The following PTPRG variants were observed in gnomAD, a reference collection of about 807,000 sequenced individuals.
PTPRG encodes protein tyrosine phosphatase receptor type G.
Under a neutral mutation model 165.3 loss-of-function variants are expected in PTPRG, and 102 were observed. That is an observed-to-expected ratio of 0.62 (90% CI 0.53 to 0.73). The LOEUF (loss-of-function observed/expected upper bound fraction) is 0.73, where lower values mean the gene tolerates loss of function less well. Among genes scored for constraint, PTPRG ranks in the 30% least tolerant of loss-of-function variants. The probability of loss-of-function intolerance (pLI) is 0.00; values close to 1 mark genes in which losing one functional copy is unlikely to be tolerated. For missense variants in PTPRG, 1,866 were observed against 1,861.4 expected (o/e 1.00, Z -0.05); for synonymous variants, 675 against 669.5 (o/e 1.01, Z -0.13).
intron 1 of PTPRG, among the ~76,000 whole-genome samples, chr3:61,725,005 T>C (rs2032198031): frequency 6.6e-6 from 1 of 152,188 alleles, no homozygotes; most frequent in African/African-American, 2.4e-5. Flanking sequence ...TGATTTCTTC[T>C]CTCTGGCCGA....
chr3:62,085,600 G>GTA (rs1314677385), intron 5 of PTPRG, among the ~76,000 whole-genome samples: 1 of 151,970 alleles, frequency 6.6e-6, no homozygotes, highest in Non-Finnish European at 1.5e-5. Flanking sequence ...TCTTTACTAG[G>GTA]GTTCCTCTAT....
intron 2 of PTPRG, chr3:61,925,779 G>T (rs1171267167): frequency 2.5e-6 from 1 of 400,424 alleles, no homozygotes; most frequent in Non-Finnish European, 5.0e-6. Flanking sequence ...CAAAGTTGCA[G>T]CACCTGCCAA....
chr3:61,820,908 G>GT (rs1559630726), intron 2 of PTPRG, among the ~76,000 whole-genome samples: 1 of 151,820 alleles, frequency 6.6e-6, no homozygotes, highest in Non-Finnish European at 1.5e-5. Flanking sequence ...TGGACATGGT[G>GT]TTTTTTTGAT....
chr3:61,731,922 C>T (rs1331547448), intron 1 of PTPRG, among the ~76,000 whole-genome samples: 1 of 151,938 alleles, frequency 6.6e-6, no homozygotes, highest in Non-Finnish European at 1.5e-5. Context: ...CTGCTTTAGC[C>T]ACCTGAATAA....
At chr3:61,641,129 T>A (rs919712608) in intron 1 of PTPRG, among the ~76,000 whole-genome samples, 3 of 152,230 alleles carry the variant, frequency 2.0e-5, no homozygotes, top group African/African-American at 7.2e-5. Flanking sequence ...TGGAGTAGCC[T>A]GTTAGCTCTT....
intron 1 of PTPRG, among the ~76,000 whole-genome samples, chr3:61,723,805 A>G: frequency 6.6e-6 from 1 of 152,188 alleles, no homozygotes. Context: ...GCTGAAGTCC[A>G]GATACTGGAT....
chr3:61,654,347 G>T (rs1439230329), intron 1 of PTPRG, among the ~76,000 whole-genome samples: 3 of 152,082 alleles, frequency 2.0e-5, no homozygotes, highest in African/African-American at 7.2e-5. Context: ...TTGAGGCTCT[G>T]TTGTTAGGTG....
chr3:61,786,553 A>G (rs550173402), intron 2 of PTPRG, among the ~76,000 whole-genome samples: 29 of 152,318 alleles, frequency 1.9e-4, no homozygotes, highest in African/African-American at 6.7e-4. Context: ...TGGAGAGTCA[A>G]CGTAGCGAAG....
At chr3:61,600,190 A>ATGTG (rs1293051250) in intron 1 of PTPRG, among the ~76,000 whole-genome samples, 76 of 118,612 alleles carry the variant, frequency 6.4e-4, no homozygotes, top group African/African-American at 1.6e-3. Flanking sequence ...ATATATATAT[A>ATGTG]TATGTGTGTG....
chr3:62,174,351 A>G (rs1024566717), intron 8 of PTPRG, among the ~76,000 whole-genome samples: 2 of 152,272 alleles, frequency 1.3e-5, no homozygotes, highest in Admixed American at 6.5e-5. Context: ...GTATAATGTA[A>G]TAAAAGCAAA....
chr3:61,989,178 A>AT (rs1703947343), intron 2 of PTPRG, among the ~76,000 whole-genome samples: 1 of 151,834 alleles, frequency 6.6e-6, no homozygotes, highest in Non-Finnish European at 1.5e-5. Flanking sequence ...GTTGCCTTTA[A>AT]TTTTTTTTCC....
chr3:62,169,836 C>T (rs796394080), intron 8 of PTPRG, among the ~76,000 whole-genome samples: 15 of 152,182 alleles, frequency 9.9e-5, no homozygotes, highest in African/African-American at 3.4e-4. Context: ...AGAGTGCCCC[C>T]ACCCCCAACA....
At chr3:61,742,456 T>G (rs548427753) in intron 1 of PTPRG, 1 of 1,502,878 alleles carries the variant, frequency 6.7e-7, no homozygotes, top group African/African-American at 1.4e-5. Flanking sequence ...AAATGTGCCT[T>G]AATATAGGCG....
intron 7 of PTPRG, among the ~76,000 whole-genome samples, chr3:62,161,121 G>A (rs1370893368): frequency 6.6e-6 from 1 of 151,946 alleles, no homozygotes; most frequent in Non-Finnish European, 1.5e-5. Context: ...CTCCCCTCAT[G>A]GAGTCACAAT....
chr3:61,847,467 G>GTT (rs1469222394), intron 2 of PTPRG, among the ~76,000 whole-genome samples: 1 of 152,140 alleles, frequency 6.6e-6, no homozygotes, highest in Non-Finnish European at 1.5e-5. Context: ...TAGGCACCCA[G>GTT]TTTGTGGTGT....
At chr3:62,091,992 G>A (rs961908557) in intron 5 of PTPRG, among the ~76,000 whole-genome samples, 3 of 151,456 alleles carry the variant, frequency 2.0e-5, no homozygotes, top group African/African-American at 7.3e-5. Context: ...CATATATGGT[G>A]GTTCAGCTGC....
intron 4 of PTPRG, among the ~76,000 whole-genome samples, chr3:62,014,551 C>T (rs1342783532): frequency 6.6e-6 from 1 of 152,112 alleles, no homozygotes; most frequent in Non-Finnish European, 1.5e-5. Flanking sequence ...CCTATTAAAA[C>T]CTTCACTCTG....
chr3:61,921,106 C>T (rs2039066486), intron 2 of PTPRG, among the ~76,000 whole-genome samples: 1 of 142,988 alleles, frequency 7.0e-6, no homozygotes, highest in African/African-American at 2.7e-5. Flanking sequence ...CATCCATCTC[C>T]TTCCATCCAT....
intron 5 of PTPRG, among the ~76,000 whole-genome samples, chr3:62,087,890 C>T (rs1452392730): frequency 2.6e-5 from 4 of 152,270 alleles, no homozygotes; most frequent in East Asian, 1.9e-4. Context: ...TTACAATCTT[C>T]GATCCTAAAT....
Sources: allele counts gnomAD v4.1 joint callset (sites outside exome capture counted in the v4.1 genomes callset), GRCh38; gene constraint gnomAD v4.1.1; transcripts MANE v1.5; gene names NCBI Gene and HGNC (gene_info 2026-07-23, HGNC 2026-07-21).